The following CASD1 variants were observed in gnomAD, a reference collection of about 807,000 sequenced individuals.
CASD1 encodes the protein N-acetylneuraminate (7)9-O-acetyltransferase.
Under a neutral mutation model 100.0 loss-of-function variants are expected in CASD1, and 41 were observed. The observed-to-expected ratio is 0.41, with a 90% CI of 0.32 to 0.53. CASD1 has a LOEUF of 0.53. CASD1 is among the 20% of genes least tolerant of loss of function. CASD1 has a pLI of 0.25. For synonymous variants in CASD1, 321 were observed against 315.6 expected (o/e 1.02, Z -0.18); for missense variants, 774 against 948.7 (o/e 0.82, Z 2.42).
the CASD1 span, among the ~76,000 whole-genome samples, chr7:94,576,417 C>T: frequency 6.6e-6 from 1 of 152,194 alleles, no homozygotes; most frequent in Non-Finnish European, 1.5e-5. Flanking sequence ...ATGCCCGAAG[C>T]CCTGAACCAT....
chr7:94,552,190 A>T (rs1795982965), intron 15 of CASD1, 160 bp from the exon 16 acceptor site: 1 of 594,754 alleles, frequency 1.7e-6, no homozygotes, highest in Non-Finnish European at 2.9e-6. Context: ...ATACCAAAAC[A>T]GGTGATGAGC....
chr7:94,542,285 T>C (rs1241992156), intron 10 of CASD1, among the ~76,000 whole-genome samples: 1 of 152,222 alleles, frequency 6.6e-6, no homozygotes, highest in Non-Finnish European at 1.5e-5. Context: ...GACTCTCTGC[T>C]GTGCTAGCCA....
the CASD1 span, chr7:94,598,040 TATAA>T: frequency 6.1e-6 from 1 of 164,876 alleles, no homozygotes; most frequent in Non-Finnish European, 1.3e-5. Flanking sequence ...GACATATTCT[TATAA>T]ATAACAGTTT....
the CASD1 span, among the ~76,000 whole-genome samples, chr7:94,605,893 ATC>A: frequency 6.6e-6 from 1 of 151,972 alleles, no homozygotes; most frequent in East Asian, 1.9e-4. Flanking sequence ...TGGAGTGCAG[ATC>A]TCAGCTCACT....
the CASD1 span, chr7:94,624,995 CCTT>C: frequency 1.3e-5 from 2 of 151,914 alleles, no homozygotes; most frequent in Non-Finnish European, 2.9e-5. Flanking sequence ...AGAATGTAGT[CCTT>C]CTATCACTTC....
intron 8 of CASD1, 57 bp from the exon 9 acceptor site, chr7:94,537,415 T>A: frequency 1.3e-6 from 2 of 1,482,852 alleles, no homozygotes; most frequent in South Asian, 2.7e-5. Context: ...AGGAGAAAAT[T>A]TAATGTGAAA....
downstream of CASD1, among the ~76,000 whole-genome samples, chr7:94,559,306 A>ATGTG (rs371189142): frequency 4.6e-5 from 4 of 87,094 alleles, no homozygotes; most frequent in African/African-American, 2.4e-4. Flanking sequence ...GTGTGTGTGT[A>ATGTG]TGTGTGTGTG....
At chr7:94,632,420 G>A in the CASD1 span, among the ~76,000 whole-genome samples, 1 of 152,020 alleles carries the variant, frequency 6.6e-6, no homozygotes, top group South Asian at 2.1e-4. Flanking sequence ...TGGGTTTGAA[G>A]ATGACAAGCA....
intron 13 of CASD1, among the ~76,000 whole-genome samples, chr7:94,547,652 CA>C (rs1366226886): frequency 6.7e-6 from 1 of 149,092 alleles, no homozygotes; most frequent in Non-Finnish European, 1.5e-5. Context: ...AACTTTTGGT[CA>C]TTTTTTTTTT....
At chr7:94,542,520 T>G (rs1438800758) in intron 10 of CASD1, among the ~76,000 whole-genome samples, 1 of 152,228 alleles carries the variant, frequency 6.6e-6, no homozygotes, top group Non-Finnish European at 1.5e-5. Context: ...TTCTTTTAAC[T>G]TTTAAAATGC....
the CASD1 span, among the ~76,000 whole-genome samples, chr7:94,586,291 T>G: frequency 6.6e-6 from 1 of 152,110 alleles, no homozygotes; most frequent in Non-Finnish European, 1.5e-5. Flanking sequence ...CTCTATGCAG[T>G]ATTAGGATAA....
downstream of CASD1, among the ~76,000 whole-genome samples, chr7:94,561,521 AAATT>A (rs1796339903): frequency 6.6e-6 from 1 of 152,136 alleles, no homozygotes; most frequent in African/African-American, 2.4e-5. Flanking sequence ...TTCCAAACTA[AAATT>A]AATTAAGACT....
chr7:94,542,959 G>A (rs1364991585), intron 10 of CASD1, among the ~76,000 whole-genome samples: 5 of 152,142 alleles, frequency 3.3e-5, no homozygotes, highest in Non-Finnish European at 7.4e-5. Flanking sequence ...GTAGATTGTA[G>A]GTGCTATAGG....
the CASD1 span, chr7:94,619,666 T>C: frequency 7.2e-5 from 11 of 152,364 alleles, no homozygotes; most frequent in African/African-American, 2.6e-4. Flanking sequence ...TTTAATAATA[T>C]TTCTGTAAGA....
intron 6 of CASD1, 113 bp downstream of exon 6, chr7:94,533,362 T>C (rs947451296): frequency 2.2e-5 from 17 of 764,464 alleles, no homozygotes; most frequent in Non-Finnish European, 2.7e-5. Flanking sequence ...TTTTAATTCC[T>C]ACTTCTATTA....
the CASD1 span, among the ~76,000 whole-genome samples, chr7:94,573,399 T>C: frequency 6.6e-6 from 1 of 152,212 alleles, no homozygotes; most frequent in Non-Finnish European, 1.5e-5. Flanking sequence ...TTCTCTGATT[T>C]CTTTGAGCAG....
intron 8 of CASD1, among the ~76,000 whole-genome samples, chr7:94,535,857 A>G (rs890385224): frequency 3.3e-5 from 5 of 152,228 alleles, no homozygotes; most frequent in African/African-American, 7.2e-5. Flanking sequence ...TACTGCTTCT[A>G]TGTTCCCCTT....
chr7:94,547,236 A>G, intron 13 of CASD1, 61 bp downstream of exon 13: 3 of 1,259,172 alleles, frequency 2.4e-6, no homozygotes, highest in Non-Finnish European at 2.2e-6. Context: ...CAAGTCTATT[A>G]AAGCATGTGA....
chr7:94,515,215 T>C (rs776581414), intron 1 of CASD1, among the ~76,000 whole-genome samples: 1 of 152,136 alleles, frequency 6.6e-6, no homozygotes, highest in Non-Finnish European at 1.5e-5. Context: ...CCCTAGCTGA[T>C]ATGATACAGA....
Sources: gnomAD v4.1 joint callset for allele counts (sites outside exome capture counted in the v4.1 genomes callset) on GRCh38, gnomAD v4.1.1 for gene constraint, MANE v1.5 for transcripts, NCBI Gene and HGNC (gene_info 2026-07-23, HGNC 2026-07-21) for gene names.